Variants in CAST observed in about 807,000 individuals in gnomAD.
CAST encodes MIR583 host.
Under a neutral mutation model 119.6 loss-of-function variants are expected in CAST, and 76 were observed. The observed-to-expected ratio is 0.64, with a 90% CI of 0.53 to 0.77. The LOEUF (loss-of-function observed/expected upper bound fraction) is 0.77, where lower values mean the gene tolerates loss of function less well. Among genes scored for constraint, CAST ranks in the 30% least tolerant of loss-of-function variants. The pLI, the probability that CAST is intolerant of heterozygous loss-of-function variation, is 0.00. For synonymous variants in CAST, 319 were observed against 331.6 expected, an observed-to-expected ratio of 0.96 and a Z score of 0.41; for missense variants, 953 against 946.5, an observed-to-expected ratio of 1.01 and a Z score of -0.09.
the CAST span, among the ~76,000 whole-genome samples, chr5:96,047,726 G>A: frequency 6.6e-6 from 1 of 152,152 alleles, no homozygotes; most frequent in Non-Finnish European, 1.5e-5. Flanking sequence ...CACAGTCTCT[G>A]TCTTCATAGT....
chr5:96,152,828 A>T, the CAST span, among the ~76,000 whole-genome samples: 3 of 152,202 alleles, frequency 2.0e-5, no homozygotes, highest in East Asian at 5.8e-4. Context: ...CCTTTTTCCC[A>T]TTGGTGCAAA....
intron 1 of CAST, among the ~76,000 whole-genome samples, chr5:96,547,153 C>T (rs1746034732): frequency 6.6e-6 from 1 of 151,882 alleles, no homozygotes; most frequent in Non-Finnish European, 1.5e-5. Context: ...CCCTGGGGTT[C>T]TCCAGAGAAA....
chr5:96,611,704 C>T (rs1360245360), intron 1 of CAST, among the ~76,000 whole-genome samples: 3 of 152,136 alleles, frequency 2.0e-5, no homozygotes, highest in Non-Finnish European at 4.4e-5. Flanking sequence ...ACAAACTATA[C>T]ATCTGACAAA....
chr5:96,559,382 A>G (rs1303960497), intron 1 of CAST, among the ~76,000 whole-genome samples: 1 of 152,194 alleles, frequency 6.6e-6, no homozygotes, highest in Non-Finnish European at 1.5e-5. Flanking sequence ...AGAAGGAAAT[A>G]AGGGGTATTC....
At chr5:96,626,552 T>G (rs1747727598) in intron 1 of CAST, among the ~76,000 whole-genome samples, 1 of 152,124 alleles carries the variant, frequency 6.6e-6, no homozygotes, top group African/African-American at 2.4e-5. Context: ...GTTTCCTGAT[T>G]CCTCTGATGA....
the CAST span, among the ~76,000 whole-genome samples, chr5:96,077,515 C>G: frequency 6.6e-6 from 1 of 152,048 alleles, no homozygotes; most frequent in African/African-American, 2.4e-5. Context: ...ATATTTGATC[C>G]ACCCAAACTT....
intron 1 of CAST, among the ~76,000 whole-genome samples, chr5:96,554,049 A>G (rs1014377502): frequency 6.6e-6 from 1 of 152,210 alleles, no homozygotes; most frequent in East Asian, 1.9e-4. Context: ...AATTGGAAAA[A>G]ACTACTTTAA....
the CAST span, among the ~76,000 whole-genome samples, chr5:96,258,618 A>G: frequency 6.6e-6 from 1 of 152,172 alleles, no homozygotes; most frequent in Non-Finnish European, 1.5e-5. Flanking sequence ...CTGGTACATG[A>G]CACATTAAAG....
chr5:96,577,456 C>A (rs1746692548), intron 1 of CAST, among the ~76,000 whole-genome samples: 1 of 151,376 alleles, frequency 6.6e-6, no homozygotes. Context: ...TTTCTAGTTT[C>A]TTGAGGTAGG....
At chr5:96,081,139 A>G in the CAST span, among the ~76,000 whole-genome samples, 1 of 152,210 alleles carries the variant, frequency 6.6e-6, no homozygotes, top group Non-Finnish European at 1.5e-5. Flanking sequence ...GACAGAAGTA[A>G]GCAAAGGTTG....
chr5:96,447,873 C>T, the CAST span, among the ~76,000 whole-genome samples: 1 of 151,934 alleles, frequency 6.6e-6, no homozygotes, highest in African/African-American at 2.4e-5. Context: ...TGTGTTGAAA[C>T]CCCATGTCCG....
intron 1 of CAST, among the ~76,000 whole-genome samples, chr5:96,595,279 C>T (rs1233758819): frequency 6.6e-6 from 1 of 152,186 alleles, no homozygotes; most frequent in East Asian, 1.9e-4. Flanking sequence ...ACTCCAGTGG[C>T]TCAAGGTGAG....
the CAST span, among the ~76,000 whole-genome samples, chr5:96,365,016 A>C: frequency 6.6e-6 from 1 of 152,186 alleles, no homozygotes; most frequent in Non-Finnish European, 1.5e-5. Flanking sequence ...AGATTCTGCT[A>C]TGTTGTGTCT....
the CAST span, among the ~76,000 whole-genome samples, chr5:96,111,927 A>G: frequency 6.6e-6 from 1 of 152,028 alleles, no homozygotes. Flanking sequence ...GGTTACAAGC[A>G]TGAGCCACTG....
chr5:96,021,500 C>T, the CAST span, among the ~76,000 whole-genome samples: 1 of 151,978 alleles, frequency 6.6e-6, no homozygotes, highest in Non-Finnish European at 1.5e-5. Context: ...GGCTGGAGTG[C>T]AGTGGCGCGA....
At chr5:96,299,587 G>C in the CAST span, among the ~76,000 whole-genome samples, 1 of 152,124 alleles carries the variant, frequency 6.6e-6, no homozygotes, top group Non-Finnish European at 1.5e-5. Context: ...TCCCTGCTTT[G>C]TTGAAGCATG....
chr5:96,564,908 C>CA (rs550180233), intron 1 of CAST, among the ~76,000 whole-genome samples: 2 of 151,794 alleles, frequency 1.3e-5, no homozygotes, highest in Non-Finnish European at 2.9e-5. Context: ...GACCCTGTCT[C>CA]AAAAAAAAGT....
chr5:96,031,232 CAAAAAAA>C, the CAST span, among the ~76,000 whole-genome samples: 1 of 63,680 alleles, frequency 1.6e-5, no homozygotes, highest in Non-Finnish European at 3.3e-5. Flanking sequence ...AGAACATGAC[CAAAAAAA>C]AAAAAAAAAA....
At chr5:96,738,442 T>C (rs1762069429) in intron 11 of CAST, among the ~76,000 whole-genome samples, 1 of 152,138 alleles carries the variant, frequency 6.6e-6, no homozygotes, top group South Asian at 2.1e-4. Flanking sequence ...GCAGCTGCAT[T>C]ATAACATTGA....
Sources: gnomAD v4.1 joint callset for allele counts (sites outside exome capture counted in the v4.1 genomes callset) on GRCh38, gnomAD v4.1.1 for gene constraint, MANE v1.5 for transcripts, NCBI Gene and HGNC (gene_info 2026-07-23, HGNC 2026-07-21) for gene names.